The following OCA2 variants were observed in gnomAD, a reference collection of about 807,000 sequenced individuals.
The protein encoded by OCA2 is OCA2 melanosomal transmembrane protein.
Under a neutral mutation model 100.2 loss-of-function variants are expected in OCA2, and 77 were observed. The ratio of observed to expected loss-of-function variants is 0.77; its 90% CI spans 0.64 to 0.93. OCA2 has a LOEUF of 0.93. Among genes scored for constraint, OCA2 ranks in the 40% least tolerant of loss-of-function variants. OCA2 has a pLI of 0.00. For missense variants in OCA2, 1,062 were observed against 1,089.1 expected (o/e 0.98, Z 0.35); for synonymous variants, 432 against 439.2 (o/e 0.98, Z 0.21).
At chr15:28,004,503 A>C (rs554200174) in intron 9 of OCA2, among the ~76,000 whole-genome samples, 1 of 152,228 alleles carries the variant, frequency 6.6e-6, no homozygotes, top group South Asian at 2.1e-4. Flanking sequence ...ACACACAGTC[A>C]CACGCCCTCA....
intron 19 of OCA2, among the ~76,000 whole-genome samples, chr15:27,923,647 C>T (rs564931448): frequency 5.3e-5 from 8 of 152,290 alleles, no homozygotes; most frequent in East Asian, 1.9e-4. Flanking sequence ...TTATTGGCTG[C>T]GTGTATGTCT....
chr15:27,992,913 A>C (rs1011058783), intron 9 of OCA2, among the ~76,000 whole-genome samples: 2 of 152,210 alleles, frequency 1.3e-5, no homozygotes, highest in Non-Finnish European at 2.9e-5. Context: ...GCTTAAGGCC[A>C]GGTGTTCAAG....
intron 2 of OCA2, among the ~76,000 whole-genome samples, chr15:28,069,979 T>C (rs2044175207): frequency 9.4e-6 from 1 of 106,928 alleles, no homozygotes; most frequent in Non-Finnish European, 1.6e-5. Context: ...CCAGCCGCCA[T>C]CACATCTAGG....
the OCA2 span, among the ~76,000 whole-genome samples, chr15:27,747,253 G>A: frequency 0.015 from 2,216 of 152,296 alleles, 54 homozygotes; most frequent in African/African-American, 0.051. Context: ...GCTGGGGCAT[G>A]GTGACATGGG....
At chr15:27,776,916 C>T (rs908471040) in intron 23 of OCA2, 5 of 151,298 alleles carry the variant, frequency 3.3e-5, no homozygotes, top group Admixed American at 3.3e-4. Flanking sequence ...TTCACCAGGG[C>T]CCGCAGCAGC....
At chr15:27,875,567 C>G (rs6497249) in intron 19 of OCA2, among the ~76,000 whole-genome samples, 118,358 of 152,012 alleles carry the variant, frequency 0.78, 47,032 homozygotes, top group East Asian at 1. Flanking sequence ...ATTTTTATTA[C>G]AATTGCACTT....
intron 2 of OCA2, among the ~76,000 whole-genome samples, chr15:28,069,070 G>A (rs2044112159): frequency 6.6e-6 from 1 of 152,062 alleles, no homozygotes; most frequent in Admixed American, 6.5e-5. Context: ...CTATTCAACA[G>A]AGTATTAGAA....
chr15:27,989,105 C>G (rs2041458746), intron 11 of OCA2, among the ~76,000 whole-genome samples: 1 of 152,182 alleles, frequency 6.6e-6, no homozygotes, highest in East Asian at 1.9e-4. Context: ...AGGACTCACA[C>G]TAGTGAGTCC....
chr15:27,729,055 G>C, the OCA2 span, among the ~76,000 whole-genome samples: 1 of 152,258 alleles, frequency 6.6e-6, no homozygotes, highest in African/African-American at 2.4e-5. Context: ...TACAGGTTCT[G>C]CTTTCCACGC....
chr15:27,881,094 C>T (rs1567055935), intron 19 of OCA2, among the ~76,000 whole-genome samples: 2 of 152,012 alleles, frequency 1.3e-5, no homozygotes, highest in Non-Finnish European at 2.9e-5. Context: ...TATCAAAGGC[C>T]TTTTTTGTGT....
chr15:27,945,983 TA>T lies in OCA2; in HGVS notation c.1951+5800del, dbSNP rs1029050657. On this transcript the variant is annotated intron_variant, in intron 18 of 23. Coordinates refer to ENST00000354638, the MANE Select transcript of OCA2 (RefSeq NM_000275.3). ...CAAACTTTTTCTATATATTTTGATGTAAAAAAATTCAAAAAACCCTGACTTG... is the reference window on the plus strand; with the variant it reads ...CAAACTTTTTCTATATATTTTGATGTAAAAAATTCAAAAAACCCTGACTTG... Among the ~76,000 whole-genome samples, 175 of 152,274 alleles carry T rather than the reference TA, an allele frequency of 1.1e-3. 1 individual carries two copies. The highest frequency in any genetic ancestry group is 3.8e-3 in the African/African-American group (158 of 41,558).
intron 23 of OCA2, among the ~76,000 whole-genome samples, chr15:27,777,586 G>C (rs1352032383): frequency 6.6e-6 from 1 of 152,194 alleles, no homozygotes; most frequent in African/African-American, 2.4e-5. Flanking sequence ...GCTTGTCCAT[G>C]TGCACACATT....
At chr15:27,870,816 GAGAGAA>G (rs2036533982) in intron 21 of OCA2, among the ~76,000 whole-genome samples, 7 of 151,504 alleles carry the variant, frequency 4.6e-5, no homozygotes, top group Middle Eastern at 3.2e-3. Context: ...AAGAAAGAGA[GAGAGAA>G]AGAAAGAAAG....
At chr15:27,815,197 C>T (rs979634213) in intron 23 of OCA2, among the ~76,000 whole-genome samples, 2 of 152,262 alleles carry the variant, frequency 1.3e-5, no homozygotes, top group South Asian at 2.1e-4. Flanking sequence ...CCATTCGCCG[C>T]AATGCCTCTG....
intron 22 of OCA2, among the ~76,000 whole-genome samples, chr15:27,846,096 G>A (rs116814276): frequency 8.4e-4 from 128 of 152,218 alleles, no homozygotes; most frequent in African/African-American, 3.0e-3. Context: ...AGGCCTTTCT[G>A]TAGACAGCCA....
chr15:28,070,989 A>G (rs1199345478), intron 2 of OCA2, among the ~76,000 whole-genome samples: 1 of 143,762 alleles, frequency 7.0e-6, no homozygotes, highest in Non-Finnish European at 1.5e-5. Context: ...GTCATCACCA[A>G]TCCCTAATCT....
chr15:28,082,303 G>A (rs1172316211), intron 1 of OCA2, among the ~76,000 whole-genome samples: 1 of 152,134 alleles, frequency 6.6e-6, no homozygotes, highest in Non-Finnish European at 1.5e-5. Flanking sequence ...CCAACACGCT[G>A]GACTCCCCTA....
the OCA2 span, among the ~76,000 whole-genome samples, chr15:27,740,944 A>G: frequency 6.6e-5 from 10 of 152,328 alleles, no homozygotes; most frequent in South Asian, 1.0e-3. Context: ...CAGACCTGCA[A>G]GAAGCTTGGA....
At chr15:27,899,671 T>A (rs1036239135) in intron 19 of OCA2, among the ~76,000 whole-genome samples, 3 of 152,216 alleles carry the variant, frequency 2.0e-5, no homozygotes, top group African/African-American at 7.2e-5. Context: ...GGTCGTACCA[T>A]GTGCTCCATT....
Sources: gnomAD v4.1 joint callset for allele counts (sites outside exome capture counted in the v4.1 genomes callset) on GRCh38, gnomAD v4.1.1 for gene constraint, MANE v1.5 for transcripts, NCBI Gene and HGNC (gene_info 2026-07-23, HGNC 2026-07-21) for gene names.